The following R3HDM2 variants were observed in gnomAD, a reference collection of about 807,000 sequenced individuals.
The protein encoded by R3HDM2 is R3H domain containing 2.
Under a neutral mutation model 124.5 loss-of-function variants are expected in R3HDM2, and 38 were observed. The observed-to-expected ratio is 0.31, with a 90% CI of 0.24 to 0.40. R3HDM2 has a LOEUF of 0.40. R3HDM2 is among the 10% of genes least tolerant of loss of function. The pLI is 1.00. For synonymous variants in R3HDM2, 391 were observed against 448.0 expected (o/e 0.87, Z 1.61); for missense variants, 869 against 1,236.9 (o/e 0.70, Z 4.46).
At chr12:57,298,010 A>G (rs558284488) in intron 7 of R3HDM2, 80 bp downstream of exon 7, 1 of 993,344 alleles carries the variant, frequency 1.0e-6, no homozygotes, top group African/African-American at 1.6e-5. Context: ...AAGAATGGAA[A>G]AATTCTGGGA....
intron 2 of R3HDM2, among the ~76,000 whole-genome samples, chr12:57,378,824 CAAGT>C: frequency 6.6e-6 from 1 of 152,270 alleles, no homozygotes; most frequent in South Asian, 2.1e-4. Flanking sequence ...ATGGTAGAAG[CAAGT>C]GTTTATCAAC....
intron 2 of R3HDM2, among the ~76,000 whole-genome samples, chr12:57,364,821 C>T (rs1269162370): frequency 6.6e-6 from 1 of 151,518 alleles, no homozygotes; most frequent in African/African-American, 2.4e-5. Flanking sequence ...GGCGTGGTGG[C>T]AGGCGCCTGT....
At chr12:57,255,243 CT>C in intron 23 of R3HDM2, 130 bp from the exon 24 acceptor site, 1 of 730,842 alleles carries the variant, frequency 1.4e-6, no homozygotes, top group Non-Finnish European at 2.1e-6. Context: ...GCCTTTCTCT[CT>C]TAGCCCTTTC....
intron 2 of R3HDM2, among the ~76,000 whole-genome samples, chr12:57,316,927 G>C (rs1181409596): frequency 6.6e-6 from 1 of 151,748 alleles, no homozygotes; most frequent in Non-Finnish European, 1.5e-5. Flanking sequence ...CTGTATTTTT[G>C]GTAGAGATGG....
At chr12:57,384,103 T>G (rs2065319946) in intron 2 of R3HDM2, among the ~76,000 whole-genome samples, 1 of 152,146 alleles carries the variant, frequency 6.6e-6, no homozygotes, top group Non-Finnish European at 1.5e-5. Flanking sequence ...GGCTCAAGCC[T>G]GTAATCCCAG....
chr12:57,335,135 C>T (rs544807466), intron 2 of R3HDM2, among the ~76,000 whole-genome samples: 8 of 151,716 alleles, frequency 5.3e-5, no homozygotes, highest in East Asian at 3.9e-4. Context: ...GAGCAAGACT[C>T]GGTCACTACA....
intron 2 of R3HDM2, among the ~76,000 whole-genome samples, chr12:57,392,830 A>C (rs1341297316): frequency 7.4e-6 from 1 of 134,928 alleles, no homozygotes; most frequent in Non-Finnish European, 1.5e-5. Context: ...TTTTTGCTAG[A>C]GTCTCGCTCT....
intron 2 of R3HDM2, among the ~76,000 whole-genome samples, chr12:57,355,233 G>A (rs1261644923): frequency 2.6e-5 from 4 of 151,610 alleles, no homozygotes; most frequent in South Asian, 2.1e-4. Flanking sequence ...CGAGGCGGGC[G>A]GATCACGAGG....
chr12:57,264,640 A>G (rs1232496055), intron 19 of R3HDM2, among the ~76,000 whole-genome samples: 1 of 142,442 alleles, frequency 7.0e-6, no homozygotes, highest in South Asian at 2.2e-4. Context: ...TTTTTTTTTG[A>G]GACAGGGTCT....
At chr12:57,377,962 C>G (rs2064315517) in intron 2 of R3HDM2, among the ~76,000 whole-genome samples, 1 of 152,070 alleles carries the variant, frequency 6.6e-6, no homozygotes, top group African/African-American at 2.4e-5. Flanking sequence ...GTGGTGCATG[C>G]CTGTAATCCC....
intron 2 of R3HDM2, among the ~76,000 whole-genome samples, chr12:57,332,840 T>C (rs1180872680): frequency 6.6e-6 from 1 of 152,202 alleles, no homozygotes; most frequent in Non-Finnish European, 1.5e-5. Context: ...GAGGTGATGA[T>C]ATAATGATTC....
At chr12:57,346,152 C>G (rs1192150211) in intron 2 of R3HDM2, among the ~76,000 whole-genome samples, 1 of 133,552 alleles carries the variant, frequency 7.5e-6, no homozygotes. Flanking sequence ...AGCAAAACTC[C>G]GTCTCAAAAA....
intron 2 of R3HDM2, among the ~76,000 whole-genome samples, chr12:57,311,527 G>A (rs1448565749): frequency 2.6e-5 from 4 of 151,850 alleles, no homozygotes; most frequent in African/African-American, 9.7e-5. Flanking sequence ...CGCCCAGCCT[G>A]CCCGGCTAAT....
chr12:57,285,450 T>C (rs200632925), intron 12 of R3HDM2, among the ~76,000 whole-genome samples: 1 of 151,090 alleles, frequency 6.6e-6, no homozygotes, highest in East Asian at 2.0e-4. Flanking sequence ...AGAGAGAGTG[T>C]GTGTGTGTGT....
At chr12:57,276,995 G>T (rs151030959) in intron 14 of R3HDM2, among the ~76,000 whole-genome samples, 1 of 151,682 alleles carries the variant, frequency 6.6e-6, no homozygotes, top group African/African-American at 2.4e-5. Flanking sequence ...TATACTGCTC[G>T]GGAGATGGGT....
chr12:57,404,191 A>G (rs2068311182), intron 1 of R3HDM2, among the ~76,000 whole-genome samples: 1 of 149,326 alleles, frequency 6.7e-6, no homozygotes, highest in Admixed American at 6.8e-5. Flanking sequence ...CATCCTCCCG[A>G]GTAGCTGCGA....
intron 2 of R3HDM2, among the ~76,000 whole-genome samples, chr12:57,345,412 AAG>A (rs1354137021): frequency 6.6e-6 from 1 of 152,092 alleles, no homozygotes; most frequent in African/African-American, 2.4e-5. Flanking sequence ...TAAACACAAA[AAG>A]AGAAAAAATC....
intron 2 of R3HDM2, among the ~76,000 whole-genome samples, chr12:57,369,854 G>T (rs2063108940): frequency 6.6e-6 from 1 of 152,150 alleles, no homozygotes; most frequent in Non-Finnish European, 1.5e-5. Context: ...AAAAGAAAAA[G>T]AAGTCAATTC....
At position 57,266,724 on chromosome 12, in the gene R3HDM2, C is replaced by G. The variant is rs779831458; in HGVS notation, c.2131+7G>C. 1.3e-6 allele frequency: 2 copies of G among 1,564,500 alleles called. No individual in the cohort carries two copies. The highest frequency in any genetic ancestry group is 3.3e-5 in the Admixed American group (2 of 59,820). On this transcript the variant is annotated splice_region_variant and intron_variant, in intron 19 of 23. Coordinates refer to ENST00000402412, the MANE Select transcript of R3HDM2 (RefSeq NM_001394031.1). Reference sequence around the variant, plus strand: ...TGCCCAAGACCCACAGTTCCTTATCCTCTTACCTGAGTACTGCTGTGGCAT... The same window carrying G: ...TGCCCAAGACCCACAGTTCCTTATCGTCTTACCTGAGTACTGCTGTGGCAT...
Sources: gnomAD v4.1 joint callset for allele counts (sites outside exome capture counted in the v4.1 genomes callset) on GRCh38, gnomAD v4.1.1 for gene constraint, MANE v1.5 for transcripts, NCBI Gene and HGNC (gene_info 2026-07-23, HGNC 2026-07-21) for gene names.